Variants in CNTN4 observed in about 807,000 individuals in gnomAD.
The protein encoded by CNTN4 is contactin-4.
CNTN4 carries 77 observed loss-of-function variants against 122.5 expected under a neutral mutation model. The observed-to-expected ratio is 0.63, with a 90% CI of 0.52 to 0.76. The LOEUF (loss-of-function observed/expected upper bound fraction) is 0.76. Ranked by LOEUF, CNTN4 falls within the 30% of genes least tolerant of loss-of-function variation. The pLI is 0.00. For missense variants in CNTN4, 1,256 were observed against 1,259.1 expected, an observed-to-expected ratio of 1.00 and a Z score of 0.04; for synonymous variants, 512 against 447.0, an observed-to-expected ratio of 1.15 and a Z score of -1.83.
At position 2,166,781 on chromosome 3, in the gene CNTN4, T is replaced by C. The variant is rs116625208; in HGVS notation, c.-145+66142T>C. ...GGAGCTCTTAGAGACCGTTTAGTCA[T>C]TGAGATTGATGGAGAAACATTACTT... On this transcript the variant is annotated intron_variant, in intron 2 of 24. Transcript: ENST00000418658. Among the ~76,000 whole-genome samples the C allele has an allele frequency of 4.6e-3, 697 of 152,198 alleles. 4 individuals carry two copies. The highest frequency in any genetic ancestry group is 0.016 in the African/African-American group (666 of 41,540).
chr3:2,818,571 G>A (rs2092792755), intron 6 of CNTN4, among the ~76,000 whole-genome samples: 2 of 152,098 alleles, frequency 1.3e-5, no homozygotes, highest in Admixed American at 1.3e-4. Flanking sequence ...AAACGAAATG[G>A]CACTTAACAC....
intron 14 of CNTN4, among the ~76,000 whole-genome samples, chr3:3,014,922 AG>A (rs1312988564): frequency 1.4e-5 from 2 of 142,688 alleles, no homozygotes; most frequent in African/African-American, 2.6e-5. Context: ...AACTCTCAAT[AG>A]AAAAGTTTCC....
At chr3:2,673,148 C>T (rs918969322) in intron 4 of CNTN4, among the ~76,000 whole-genome samples, 5 of 152,108 alleles carry the variant, frequency 3.3e-5, no homozygotes, top group Admixed American at 1.3e-4. Context: ...AATCTATGGT[C>T]AAACTATTTG....
intron 3 of CNTN4, among the ~76,000 whole-genome samples, chr3:2,501,587 T>G (rs2076595738): frequency 6.6e-6 from 1 of 152,142 alleles, no homozygotes; most frequent in East Asian, 1.9e-4. Context: ...CAGTGTACCA[T>G]CTTCAAATGT....
intron 7 of CNTN4, among the ~76,000 whole-genome samples, chr3:2,824,213 C>T (rs1434057028): frequency 6.6e-6 from 1 of 150,604 alleles, no homozygotes; most frequent in African/African-American, 2.4e-5. Flanking sequence ...AATCCCAGCA[C>T]TTTGGGAGGA....
intron 2 of CNTN4, among the ~76,000 whole-genome samples, chr3:2,130,661 T>C (rs1303455671): frequency 6.6e-6 from 1 of 152,236 alleles, no homozygotes; most frequent in Non-Finnish European, 1.5e-5. Context: ...GTGTAATTTC[T>C]GTGTTTTAAT....
intron 2 of CNTN4, among the ~76,000 whole-genome samples, chr3:2,237,589 T>G (rs1023406042): frequency 2.6e-5 from 4 of 152,124 alleles, no homozygotes; most frequent in African/African-American, 9.7e-5. Context: ...TTTAAAAGCT[T>G]TATAATTGTT....
At chr3:2,369,766 A>C (rs559364884) in intron 3 of CNTN4, among the ~76,000 whole-genome samples, 3 of 152,138 alleles carry the variant, frequency 2.0e-5, no homozygotes, top group Admixed American at 6.5e-5. Flanking sequence ...AAATTACAAA[A>C]CTTGTCAGAA....
At chr3:2,699,797 A>T (rs2086260352) in intron 4 of CNTN4, among the ~76,000 whole-genome samples, 1 of 152,224 alleles carries the variant, frequency 6.6e-6, no homozygotes, top group Admixed American at 6.5e-5. Flanking sequence ...ATTAATGATT[A>T]TCTGGCTTAG....
chr3:2,801,655 G>C (rs1160055918), intron 6 of CNTN4, among the ~76,000 whole-genome samples: 1 of 150,086 alleles, frequency 6.7e-6, no homozygotes, highest in East Asian at 1.9e-4. Context: ...TATCATTGTC[G>C]TGATTAAGAA....
chr3:2,584,082 A>G (rs896643857), intron 4 of CNTN4, among the ~76,000 whole-genome samples: 1 of 152,218 alleles, frequency 6.6e-6, no homozygotes, highest in Non-Finnish European at 1.5e-5. Context: ...CTGAGAAAAC[A>G]TTTAAAATAG....
chr3:2,112,446 G>T (rs1028856362), intron 2 of CNTN4, among the ~76,000 whole-genome samples: 1 of 152,096 alleles, frequency 6.6e-6, no homozygotes, highest in Non-Finnish European at 1.5e-5. Context: ...ATAATGACTG[G>T]TGTATTATTA....
chr3:3,050,585 G>T (rs1164066334), intron 23 of CNTN4, among the ~76,000 whole-genome samples: 1 of 151,972 alleles, frequency 6.6e-6, no homozygotes, highest in Non-Finnish European at 1.5e-5. Context: ...CCAACATGGT[G>T]AAACCCCGTC....
intron 23 of CNTN4, among the ~76,000 whole-genome samples, chr3:3,044,978 T>TGGCTCAGAGGGTCCCATGCCC (rs1255317668): frequency 6.6e-6 from 1 of 152,176 alleles, no homozygotes; most frequent in Non-Finnish European, 1.5e-5. Context: ...ATCCCATGCA[T>TGGCTCAGAGGGTCCCATGCCC]GGCTCAGAGG....
rs538140286 is a variant in CNTN4, at chr3:2,617,317, A to G, written c.55+45759A>G. ...CAAGAAAAAAACAACCCCATCAAAAAGTGAGCAAAGGATATGAACAGACAC... is the reference window on the plus strand; with the variant it reads ...CAAGAAAAAAACAACCCCATCAAAAGGTGAGCAAAGGATATGAACAGACAC... On this transcript the variant is annotated intron_variant, in intron 4 of 24. Transcript: ENST00000418658. Among the ~76,000 whole-genome samples, 6 of 152,234 alleles carry G rather than the reference A, an allele frequency of 3.9e-5. No homozygotes were observed. In the East Asian group the frequency reaches 1.2e-3, roughly 29 times the overall value.
intron 2 of CNTN4, among the ~76,000 whole-genome samples, chr3:2,240,490 C>T (rs2039888082): frequency 6.6e-6 from 1 of 151,960 alleles, no homozygotes. Flanking sequence ...ATAAACCAGG[C>T]CAAAGACTTC....
chr3:2,240,441 A>T (rs951292256), intron 2 of CNTN4, among the ~76,000 whole-genome samples: 1 of 152,136 alleles, frequency 6.6e-6, no homozygotes, highest in African/African-American at 2.4e-5. Flanking sequence ...CCAACAGCAG[A>T]TATCAAATGA....
chr3:2,245,154 ACTC>A (rs1445712092), intron 2 of CNTN4, among the ~76,000 whole-genome samples: 1 of 151,892 alleles, frequency 6.6e-6, no homozygotes, highest in Non-Finnish European at 1.5e-5. Context: ...GATAGAACTC[ACTC>A]CTCCTATGTA....
At chr3:2,442,293 G>C (rs890688974) in intron 3 of CNTN4, among the ~76,000 whole-genome samples, 27 of 151,968 alleles carry the variant, frequency 1.8e-4, no homozygotes, top group African/African-American at 6.3e-4. Context: ...ACAATTGTCT[G>C]GAACTGCCAA....
Sources: allele counts gnomAD v4.1 joint callset (sites outside exome capture counted in the v4.1 genomes callset), GRCh38; gene constraint gnomAD v4.1.1; transcripts MANE v1.5; gene names NCBI Gene and HGNC (gene_info 2026-07-23, HGNC 2026-07-21).